RNF213: variants seen among roughly 807,000 people sequenced by gnomAD.
The protein encoded by RNF213 is E3 ubiquitin-protein ligase RNF213.
Under a neutral mutation model 514.4 loss-of-function variants are expected in RNF213, and 341 were observed. That is an observed-to-expected ratio of 0.66 (90% CI 0.61 to 0.73). RNF213 has a LOEUF of 0.73. RNF213 is among the 30% of genes least tolerant of loss of function. The pLI is 0.00. For synonymous variants in RNF213, 2,655 were observed against 2,658.2 expected, an observed-to-expected ratio of 1.00 and a Z score of 0.04; for missense variants, 5,767 against 6,615.6, an observed-to-expected ratio of 0.87 and a Z score of 4.45.
chr17:80,350,160 G>T, intron 30 of RNF213, 141 bp from the exon 31 acceptor site: 1 of 761,268 alleles, frequency 1.3e-6, no homozygotes, highest in Non-Finnish European at 2.3e-6. Context: ...TCCTCCCCTG[G>T]ACTATCTGTT....
At chr17:80,383,552 C>T in intron 58 of RNF213, 125 bp from the exon 59 acceptor site, 1 of 938,000 alleles carries the variant, frequency 1.1e-6, no homozygotes, top group South Asian at 1.3e-5. Context: ...TACCTGATTA[C>T]ATGCTCAGAG....
intron 3 of RNF213, among the ~76,000 whole-genome samples, chr17:80,287,142 C>T (rs2044500459): frequency 6.6e-6 from 1 of 151,804 alleles, no homozygotes; most frequent in Non-Finnish European, 1.5e-5. Context: ...GGAGGATTGC[C>T]TGAGCCTAGG....
chr17:80,269,401 TATC>T (rs1473413441), intron 2 of RNF213, among the ~76,000 whole-genome samples: 12 of 149,292 alleles, frequency 8.0e-5, no homozygotes, highest in Admixed American at 6.7e-4. Flanking sequence ...CCATCTGTCC[TATC>T]ATCTATCCAT....
Position 80,383,946 on chromosome 17 carries a change from T to C in RNF213, c.14322+18T>C. 6.2e-7 allele frequency: 1 copy of C among 1,614,174 alleles called. No individual in the cohort carries two copies. The highest frequency in any genetic ancestry group is 8.5e-7 in the Non-Finnish European group (1 of 1,180,030). ...TGCAGAAGGTATGTCTGGCTTACTG[T>C]GGCTCCCTCCCTCTTTCGGTGCAGA... On this transcript the variant is annotated intron_variant, in intron 59 of 67. Transcript: ENST00000582970.
chr17:80,269,411 CCATCCATCCATCCA>C (rs2043728435), intron 2 of RNF213, among the ~76,000 whole-genome samples: 1 of 147,620 alleles, frequency 6.8e-6, no homozygotes, highest in African/African-American at 2.5e-5. Context: ...TATCATCTAT[CCATCCATCCATCCA>C]TTCATCTATT....
chr17:80,270,942 T>C (rs1444363972), intron 2 of RNF213, among the ~76,000 whole-genome samples: 2 of 152,186 alleles, frequency 1.3e-5, no homozygotes, highest in African/African-American at 4.8e-5. Context: ...CACCTCATGG[T>C]CTTTCCAGGA....
intron 50 of RNF213, 124 bp from the exon 51 acceptor site, chr17:80,375,636 G>A (rs1245078285): frequency 4.2e-6 from 3 of 717,874 alleles, no homozygotes; most frequent in Non-Finnish European, 7.6e-6. Context: ...CCGAGAGGCA[G>A]AGGTTGCAGT....
At position 80,263,149 on chromosome 17, in the gene RNF213, G is replaced by A. The variant is rs2043483723; in HGVS notation, c.-108-425G>A. Among the ~76,000 whole-genome samples, 1 of 152,180 alleles carries A rather than the reference G, an allele frequency of 6.6e-6. No individual in the cohort carries two copies. Among genetic ancestry groups the A allele is most frequent in the South Asian group, 2.1e-4 (1 of 4,830 alleles). ...GGGCAGGTGGTCAGTGCAGAGTGGCGCGCTTTGTGGATGGCAGCCTCCCCC... is the reference window on the plus strand; with the variant it reads ...GGGCAGGTGGTCAGTGCAGAGTGGCACGCTTTGTGGATGGCAGCCTCCCCC... On this transcript the variant is annotated intron_variant, in intron 1 of 67. Coordinates refer to ENST00000582970, the MANE Select transcript of RNF213 (RefSeq NM_001256071.3). The surrounding 1 kb of genome is among the most constrained non-coding windows in gnomAD (Gnocchi z 4.9).
chr17:80,337,501 A>C, intron 23 of RNF213, 85 bp from the exon 24 acceptor site: 1 of 1,490,780 alleles, frequency 6.7e-7, no homozygotes, highest in Non-Finnish European at 9.0e-7. Context: ...GCAGCGAGGC[A>C]GAGGCGGGAG....
chr17:80,371,139 T>G (rs1487679233), intron 46 of RNF213, among the ~76,000 whole-genome samples: 1 of 152,028 alleles, frequency 6.6e-6, no homozygotes, highest in Non-Finnish European at 1.5e-5. Flanking sequence ...AAGAAAAAAA[T>G]CTATTTAAAG....
At position 80,372,699 on chromosome 17, in the gene RNF213, C is replaced by G; in HGVS notation, c.12716C>G (p.Ala4239Gly). ...CGGATCCGCCTCTGCCTCGACAGAG[C>G]TGCAGATTTCCTCTCGGAGCCTGAG... is the stretch of plus-strand genomic sequence containing the variant. The part of the protein sequence containing the change: ...VARIRLCLDR[A>G]ADFLSEPEGG... Residue 4239 changes from alanine to glycine, a missense_variant, in exon 48 of 68, where the codon GCT becomes GGT. Coordinates refer to ENST00000582970, the MANE Select transcript of RNF213 (RefSeq NM_001256071.3). The G allele has an allele frequency of 6.2e-7, 1 of 1,613,888 alleles. No individual in the cohort carries two copies. The highest frequency in any genetic ancestry group is 8.5e-7 in the Non-Finnish European group (1 of 1,180,034).
At position 80,346,035 on chromosome 17, in the gene RNF213, G is replaced by C; in HGVS notation, c.7700G>C (p.Arg2567Pro). 1 of 1,614,182 alleles carries C rather than the reference G, an allele frequency of 6.2e-7. No individual in the cohort carries two copies. Among genetic ancestry groups the C allele is most frequent in the Non-Finnish European group, 8.5e-7 (1 of 1,180,046 alleles). Residue 2567 changes from arginine to proline, a missense_variant, in exon 29 of 68, where the codon CGG becomes CCG. Arg to Pro is a moderately radical substitution (Grantham distance 103). Coordinates refer to ENST00000582970, the MANE Select transcript of RNF213 (RefSeq NM_001256071.3). This position sits in a 1 kb window ranked among gnomAD's most constrained non-coding sequence, Gnocchi z 8.1. ...GSIPLRQLVY[R>P]VHALPPSLIP... ...ATTCCTCTGAGGCAGCTGGTATACC[G>C]GGTCCATGCTCTGCCCCCGAGCCTG... is the stretch of plus-strand genomic sequence containing the variant.
Position 80,275,099 on chromosome 17 carries a change from TGTGTTGGGTGTGTGC to T in RNF213, c.261+1710_261+1724del, listed in dbSNP as rs935093868. Among the ~76,000 whole-genome samples the T allele has an allele frequency of 3.0e-5, 4 of 132,500 alleles. No homozygotes were observed. The East Asian group carries it at 7.2e-4, about 24-fold the overall frequency. The allele number at this position is 132,500 out of a possible 152,430, so 86.9% of individuals were successfully genotyped here. ...GTGAGTGGGGTGTGTTGGGTGTGTGTGTGTTGGGTGTGTGCGTGTTGGGTGTGTGTGAGTGGTGTG... is the reference window on the plus strand; with the variant it reads ...GTGAGTGGGGTGTGTTGGGTGTGTGTGTGTTGGGTGTGTGTGAGTGGTGTG... On this transcript the variant is annotated intron_variant, in intron 3 of 67. Transcript: ENST00000582970.
chr17:80,321,733 T>A (rs1221986798), intron 17 of RNF213, among the ~76,000 whole-genome samples: 1 of 152,134 alleles, frequency 6.6e-6, no homozygotes, highest in Non-Finnish European at 1.5e-5. Flanking sequence ...TGGTTTTTGT[T>A]TGTTTTTTGA....
chr17:80,355,638 G>A (rs865844056), intron 36 of RNF213, among the ~76,000 whole-genome samples: 2 of 44,370 alleles, frequency 4.5e-5, no homozygotes, highest in African/African-American at 9.3e-5. Context: ...GGCTTACAGG[G>A]GAAGAAGCGG....
intron 17 of RNF213, 129 bp downstream of exon 17, chr17:80,319,441 ACCCT>A (rs1455168419): frequency 5.6e-6 from 9 of 1,613,962 alleles, no homozygotes; most frequent in Non-Finnish European, 7.6e-6. Context: ...GGAAGTGGGC[ACCCT>A]CCTCCCTCGC....
In RNF213 at chr17:80,313,099, C is replaced by T. The variant is rs750596095; in HGVS notation, c.2743C>T (p.Arg915Ter). The T allele has an allele frequency of 1.2e-5, 19 of 1,613,984 alleles. No homozygotes were observed. Among genetic ancestry groups the T allele is most frequent in the East Asian group, 2.2e-5 (1 of 44,896 alleles). ...GTLAATKRWL[R>*]EVFTKNMLTS... ...CCTTGCTGCTACGAAAAGGTGGCTCCGAGAAGTTTTTACAAAGAACATGCT... is the reference window on the plus strand; with the variant it reads ...CCTTGCTGCTACGAAAAGGTGGCTCTGAGAAGTTTTTACAAAGAACATGCT... Residue 915 changes from arginine (R) to a stop codon, truncating the protein, a stop_gained, in exon 15 of 68, where the codon CGA becomes TGA. Transcript: ENST00000582970. LOFTEE classifies it high-confidence loss of function.
At chr17:80,273,915 C>T (rs563044173) in intron 3 of RNF213, among the ~76,000 whole-genome samples, 4 of 152,122 alleles carry the variant, frequency 2.6e-5, no homozygotes, top group South Asian at 2.1e-4. Context: ...CCACCGCGCC[C>T]GGCCTCCACC....
At chr17:80,271,186 G>A (rs1461106874) in intron 2 of RNF213, among the ~76,000 whole-genome samples, 2 of 152,204 alleles carry the variant, frequency 1.3e-5, no homozygotes, top group East Asian at 3.8e-4. Flanking sequence ...GCTCTCGAAG[G>A]ATGGGGCCTT....
Sources: allele counts gnomAD v4.1 joint callset (sites outside exome capture counted in the v4.1 genomes callset), GRCh38; gene constraint gnomAD v4.1.1; non-coding constraint Gnocchi (gnomAD v3.1); transcripts MANE v1.5; gene names NCBI Gene and HGNC (gene_info 2026-07-23, HGNC 2026-07-21).